COL6A5: variants seen among roughly 807,000 people sequenced by gnomAD.
The protein encoded by COL6A5 is collagen type VI alpha 5 chain.
Under a neutral mutation model 65.6 loss-of-function variants are expected in COL6A5, and 48 were observed. That is an observed-to-expected ratio of 0.73 (90% confidence interval 0.58 to 0.93). The LOEUF is 0.93. Among genes scored for constraint, COL6A5 ranks in the 40% least tolerant of loss-of-function variants. The pLI is 0.00. For missense variants in COL6A5, 914 were observed against 928.3 expected, an observed-to-expected ratio of 0.98 and a Z score of 0.20; for synonymous variants, 291 against 322.8, an observed-to-expected ratio of 0.90 and a Z score of 1.05.
rs147600062 is a variant in COL6A5, at chr3:130,350,208, T to A, written c.-29+4227T>A. 4.0e-3 allele frequency among the ~76,000 whole-genome samples: 602 copies of A among 152,266 alleles called. 4 individuals are homozygous for A. In the Middle Eastern group the frequency reaches 0.044, roughly 11 times the overall value. On this transcript the variant is annotated intron_variant and NMD_transcript_variant, in intron 1 of 41. Transcript: ENST00000312481. ...CAGAATGTTGGATAGGCAACTAGAA[T>A]CTGCTACGTGGATGCAGGACAAGAA...
upstream of COL6A5, chr3:130,429,429 C>G: frequency 1.6e-6 from 1 of 630,158 alleles, no homozygotes; most frequent in Non-Finnish European, 2.7e-6. Flanking sequence ...ATACTTTAAC[C>G]TTGGCTTCCT....
At chr3:130,405,359 C>T (rs1348421729) in intron 13 of COL6A5, among the ~76,000 whole-genome samples, 1 of 152,080 alleles carries the variant, frequency 6.6e-6, no homozygotes, top group Non-Finnish European at 1.5e-5. Context: ...TTTTTGTGAT[C>T]TTGGGTCTAT....
chr3:130,420,188 G>A (rs981613056), intron 25 of COL6A5, among the ~76,000 whole-genome samples: 1 of 151,880 alleles, frequency 6.6e-6, no homozygotes, highest in African/African-American at 2.4e-5. Context: ...GGAAGAGAGA[G>A]AAGGAAAGAA....
At chr3:130,415,610 A>G (rs13070741) in intron 22 of COL6A5, 35 bp from the exon 23 acceptor site, 126,242 of 1,521,616 alleles carry the variant, frequency 0.083, 5,615 homozygotes, top group East Asian at 0.1. Flanking sequence ...TTTCATTGAC[A>G]TAATTGCATT....
chr3:130,370,231 A>T (rs1019941012), intron 1 of COL6A5, among the ~76,000 whole-genome samples: 2 of 152,048 alleles, frequency 1.3e-5, no homozygotes, highest in Non-Finnish European at 2.9e-5. Flanking sequence ...TATATTCTAA[A>T]TATTTTTTTC....
chr3:130,477,356 T>G (rs1413642986), intron 7 of COL6A5: 1 of 309,120 alleles, frequency 3.2e-6, no homozygotes, highest in Non-Finnish European at 5.9e-6. Context: ...TTTATGTTGT[T>G]TTGTTCATGT....
At chr3:130,482,552 TTAAAG>T (rs1355700234) in intron 7 of COL6A5, among the ~76,000 whole-genome samples, 9 of 152,174 alleles carry the variant, frequency 5.9e-5, no homozygotes, top group Non-Finnish European at 1.2e-4. Context: ...CATATGAAAT[TTAAAG>T]TAGTTTTTTT....
At chr3:130,378,009 T>C (rs973062298) in intron 3 of COL6A5, among the ~76,000 whole-genome samples, 23 of 152,270 alleles carry the variant, frequency 1.5e-4, no homozygotes, top group African/African-American at 5.5e-4. Flanking sequence ...AGACATGCTT[T>C]CTGCCTTCTA....
intron 1 of COL6A5, among the ~76,000 whole-genome samples, chr3:130,373,310 G>A (rs1935634342): frequency 1.3e-5 from 2 of 152,128 alleles, no homozygotes; most frequent in African/African-American, 4.8e-5. Flanking sequence ...TGGTGCTTCA[G>A]TTTCCTTTTC....
Position 130,379,904 on chromosome 3 carries a change from T to C in COL6A5, c.1154T>C (p.Val385Ala). 4 of 1,551,390 alleles carry C rather than the reference T, an allele frequency of 2.6e-6. No individual in the cohort carries two copies. Among genetic ancestry groups the C allele is most frequent in the Non-Finnish European group, 3.5e-6 (4 of 1,146,782 alleles). ...AACAATACCCAGTTAGAAGAAATAGTGTCTTATCCTCCAGAACAGACAATT... is the reference window on the plus strand; with the variant it reads ...AACAATACCCAGTTAGAAGAAATAGCGTCTTATCCTCCAGAACAGACAATT... Residue 385 changes from valine to alanine, a missense_variant and NMD_transcript_variant, in exon 4 of 42, where the codon GTG becomes GCG. Coordinates refer to the COL6A5 transcript ENST00000312481.
chr3:130,465,920 G>T (rs922525429), intron 5 of COL6A5, among the ~76,000 whole-genome samples: 8 of 151,966 alleles, frequency 5.3e-5, no homozygotes, highest in Admixed American at 6.6e-5. Flanking sequence ...TGCACTGAAT[G>T]GGATAATGGC....
At chr3:130,416,991 T>C (rs1937363432) in intron 24 of COL6A5, among the ~76,000 whole-genome samples, 172 bp downstream of exon 24, 3 of 151,982 alleles carry the variant, frequency 2.0e-5, no homozygotes, top group Admixed American at 6.6e-5. Context: ...TAGGGATACA[T>C]GTGCCATGGT....
rs1018470612 is a variant in COL6A5 at position 130,425,378 on chromosome 3, G to A, written c.5164-836G>A. Among the ~76,000 whole-genome samples, 7 of 152,262 alleles carry A rather than the reference G, an allele frequency of 4.6e-5. No individual in the cohort carries two copies. The East Asian group carries it at 1.4e-3, about 29-fold the overall frequency. ...CCGACATCCCTGGTTGAACCTCTGA[G>A]GGAGTCAATGAAATTGTACAAGTGT... On this transcript the variant is annotated intron_variant and NMD_transcript_variant, in intron 29 of 41. Coordinates refer to the COL6A5 transcript ENST00000312481.
At chr3:130,403,127 A>G (rs1287570328) in intron 12 of COL6A5, among the ~76,000 whole-genome samples, 5 of 152,240 alleles carry the variant, frequency 3.3e-5, no homozygotes, top group African/African-American at 4.8e-5. Context: ...CAAGTAAGCC[A>G]CAACACAGTT....
At chr3:130,391,822 GT>G (rs769515464) in intron 7 of COL6A5, 68 bp downstream of exon 7, 88 of 1,178,300 alleles carry the variant, frequency 7.5e-5, no homozygotes, top group Non-Finnish European at 1.0e-4. Context: ...TAAATCATAA[GT>G]CTCAGGTCTC....
intron 1 of COL6A5, among the ~76,000 whole-genome samples, chr3:130,351,927 A>T (rs1011956828): frequency 6.6e-6 from 1 of 152,190 alleles, no homozygotes; most frequent in Non-Finnish European, 1.5e-5. Context: ...TCAATGATAG[A>T]CTGGATAAAG....
chr3:130,377,434 C>T (rs1935826734), intron 3 of COL6A5, among the ~76,000 whole-genome samples: 1 of 152,186 alleles, frequency 6.6e-6, no homozygotes, highest in Non-Finnish European at 1.5e-5. Context: ...TCAATAAATG[C>T]TTGTGAACTG....
chr3:130,399,058 G>A (rs961144973), intron 10 of COL6A5, among the ~76,000 whole-genome samples: 3 of 152,212 alleles, frequency 2.0e-5, no homozygotes, highest in Non-Finnish European at 4.4e-5. Context: ...TTCAAACTGA[G>A]CCGGAAGCTA....
exon 1 of COL6A5, chr3:130,431,907 A>G: frequency 6.4e-7 from 1 of 1,551,330 alleles, no homozygotes; most frequent in Non-Finnish European, 8.7e-7. Flanking sequence ...TCAGTCCAAC[A>G]GTCTTTGCTT....
Sources: gnomAD v4.1 joint callset for allele counts (sites outside exome capture counted in the v4.1 genomes callset) on GRCh38, gnomAD v4.1.1 for gene constraint, MANE v1.5 for transcripts, NCBI Gene and HGNC (gene_info 2026-07-23, HGNC 2026-07-21) for gene names.